Variants in VWC2 observed in about 807,000 individuals in gnomAD.
VWC2 encodes von Willebrand factor C domain containing 2, also known as brorin.
Under a neutral mutation model 29.8 loss-of-function variants are expected in VWC2, and 14 were observed. The ratio of observed to expected loss-of-function variants is 0.47; its 90% CI spans 0.31 to 0.74. The LOEUF (loss-of-function observed/expected upper bound fraction) is 0.74. VWC2 is among the 30% of genes least tolerant of loss of function. The pLI is 0.05. For missense variants in VWC2, 457 were observed against 459.8 expected, an observed-to-expected ratio of 0.99 and a Z score of 0.05; for synonymous variants, 213 against 199.0, an observed-to-expected ratio of 1.07 and a Z score of -0.59.
chr7:49,853,557 G>T (rs747634255), intron 3 of VWC2, among the ~76,000 whole-genome samples: 5 of 151,830 alleles, frequency 3.3e-5, no homozygotes, highest in Non-Finnish European at 5.9e-5. Flanking sequence ...TATCACGGTA[G>T]ACTATAAACC....
chr7:49,863,734 T>C (rs1486878335), intron 3 of VWC2, among the ~76,000 whole-genome samples: 2 of 152,180 alleles, frequency 1.3e-5, no homozygotes, highest in African/African-American at 4.8e-5. Flanking sequence ...CCTGGTCTGC[T>C]TTTCTATTCT....
intron 2 of VWC2, among the ~76,000 whole-genome samples, chr7:49,779,788 G>T (rs1360535314): frequency 6.6e-6 from 1 of 152,208 alleles, no homozygotes; most frequent in Non-Finnish European, 1.5e-5. Flanking sequence ...CAAGGTGTCA[G>T]CAGGGCTGGT....
chr7:49,826,428 AGGT>A (rs1300795566), intron 3 of VWC2, among the ~76,000 whole-genome samples: 2 of 152,234 alleles, frequency 1.3e-5, no homozygotes, highest in African/African-American at 2.4e-5. Flanking sequence ...GGACTGAAAA[AGGT>A]GAGACTCACA....
At position 49,802,965 on chromosome 7, in the gene VWC2, C is replaced by A; in HGVS notation, c.826+125C>A. On this transcript the variant is annotated intron_variant, in intron 3 of 3. Coordinates refer to ENST00000340652, the MANE Select transcript of VWC2 (RefSeq NM_198570.5). ...TTCATCCTATGTATCAATACACATG[C>A]GTACACACGTGTGTAATCTTTCAGC... is the stretch of plus-strand genomic sequence containing the variant. 3 of 1,189,548 alleles carry A rather than the reference C, an allele frequency of 2.5e-6. 1 individual carries two copies. Among genetic ancestry groups the A allele is most frequent in the Non-Finnish European group, 1.2e-6 (1 of 847,046 alleles). 73.7% of individuals were successfully genotyped at this position (1,189,548 alleles called of 1,614,324 possible).
chr7:49,880,178 T>C (rs1334714355), intron 3 of VWC2, among the ~76,000 whole-genome samples: 2 of 152,226 alleles, frequency 1.3e-5, no homozygotes, highest in African/African-American at 4.8e-5. Context: ...ATCTGCTAAA[T>C]TTTATCAGTG....
At chr7:49,862,398 G>T (rs183795460) in intron 3 of VWC2, among the ~76,000 whole-genome samples, 10 of 152,208 alleles carry the variant, frequency 6.6e-5, no homozygotes, top group Admixed American at 5.2e-4. Flanking sequence ...CTATAGACAG[G>T]ATCATACTAA....
At chr7:49,794,786 C>G (rs1440801269) in intron 2 of VWC2, among the ~76,000 whole-genome samples, 2 of 152,146 alleles carry the variant, frequency 1.3e-5, no homozygotes, top group African/African-American at 4.8e-5. Flanking sequence ...TGTGGAGCAT[C>G]CTTTGGACAC....
intron 3 of VWC2, among the ~76,000 whole-genome samples, chr7:49,871,778 C>G (rs1245578944): frequency 2.7e-5 from 4 of 150,916 alleles, no homozygotes; most frequent in Admixed American, 2.6e-4. Context: ...CCTTGGAAAA[C>G]AGCATGCATT....
chr7:49,799,018 G>A (rs569951642), intron 2 of VWC2, among the ~76,000 whole-genome samples: 1 of 152,322 alleles, frequency 6.6e-6, no homozygotes, highest in African/African-American at 2.4e-5. Flanking sequence ...GGGGGCATAG[G>A]CCACTGCTTC....
chr7:49,865,208 G>A (rs1429087776), intron 3 of VWC2, among the ~76,000 whole-genome samples: 6 of 152,170 alleles, frequency 3.9e-5, no homozygotes, highest in Admixed American at 3.9e-4. Context: ...TTGTTTGTGT[G>A]GTCCGTGGGG....
At chr7:49,873,189 T>A (rs1240954050) in intron 3 of VWC2, among the ~76,000 whole-genome samples, 1 of 152,200 alleles carries the variant, frequency 6.6e-6, no homozygotes, top group Non-Finnish European at 1.5e-5. Flanking sequence ...CGGGCTGCTA[T>A]AACAAAATAC....
At chr7:49,848,921 C>T (rs537622267) in intron 3 of VWC2, among the ~76,000 whole-genome samples, 1 of 152,284 alleles carries the variant, frequency 6.6e-6, no homozygotes, top group African/African-American at 2.4e-5. Context: ...TCAGAATTTC[C>T]TAGTCTCTGT....
chr7:49,818,071 CA>C (rs994710522), intron 3 of VWC2, among the ~76,000 whole-genome samples: 8 of 152,312 alleles, frequency 5.3e-5, no homozygotes, highest in African/African-American at 9.6e-5. Context: ...ACCCCAAAGA[CA>C]GCCACCAAAT....
rs2128744970 is a variant in VWC2, at chr7:49,916,126, C to T, written c.*3941C>T. The T allele has an allele frequency of 6.6e-6, 1 of 152,348 alleles. No individual in the cohort carries two copies. Among genetic ancestry groups the T allele is most frequent in the African/African-American group, 2.4e-5 (1 of 41,576 alleles). 9.4% of individuals were successfully genotyped at this position (152,348 alleles called of 1,614,324 possible). A position where few individuals can be genotyped will look rare whatever the true frequency, so the allele number is the denominator to read the frequency against. On this transcript the variant is annotated 3_prime_UTR_variant, in exon 4 of 4. Transcript: ENST00000340652. ...AAACAGCCTACTTATGTCATATCCTCACTTCACACCAACTTCTTCAGTCTA... is the reference window on the plus strand; with the variant it reads ...AAACAGCCTACTTATGTCATATCCTTACTTCACACCAACTTCTTCAGTCTA...
chr7:49,796,078 C>T (rs1029061433), intron 2 of VWC2, among the ~76,000 whole-genome samples: 1 of 152,170 alleles, frequency 6.6e-6, no homozygotes, highest in African/African-American at 2.4e-5. Flanking sequence ...TATTTTGTAT[C>T]ATTGCAGAAT....
chr7:49,805,876 T>A (rs1004005091), intron 3 of VWC2, among the ~76,000 whole-genome samples: 1 of 152,210 alleles, frequency 6.6e-6, no homozygotes, highest in African/African-American at 2.4e-5. Context: ...TAAATAGCTC[T>A]TTCTCCGACA....
At chr7:49,834,925 A>G (rs1421083037) in intron 3 of VWC2, among the ~76,000 whole-genome samples, 2 of 152,184 alleles carry the variant, frequency 1.3e-5, no homozygotes, top group African/African-American at 4.8e-5. Context: ...TGGGGGAGAT[A>G]TTGTCAACCT....
At chr7:49,820,665 A>C (rs1411991651) in intron 3 of VWC2, among the ~76,000 whole-genome samples, 3 of 152,206 alleles carry the variant, frequency 2.0e-5, no homozygotes. Flanking sequence ...AAAGAATGTA[A>C]ATATGGTCAT....
At position 49,912,204 on chromosome 7, in the gene VWC2, ACT is replaced by A; in HGVS notation, c.*22_*23del. On this transcript the variant is annotated 3_prime_UTR_variant, in exon 4 of 4. Coordinates refer to ENST00000340652, the MANE Select transcript of VWC2 (RefSeq NM_198570.5). ...AATGTAGACGCTTCCCAGAACACAA[ACT>A]CTGACTTTTTCTAGAACATTTTACT... 1.2e-6 allele frequency: 2 copies of A among 1,612,438 alleles called. No homozygotes were observed. Among genetic ancestry groups the A allele is most frequent in the African/African-American group, 2.7e-5 (2 of 74,852 alleles).
Sources: allele counts gnomAD v4.1 joint callset (sites outside exome capture counted in the v4.1 genomes callset), GRCh38; gene constraint gnomAD v4.1.1; transcripts MANE v1.5; gene names NCBI Gene and HGNC (gene_info 2026-07-23, HGNC 2026-07-21).